Variants in IL1RAPL2 observed in about 807,000 individuals in gnomAD.
IL1RAPL2 encodes the protein X-linked interleukin-1 receptor accessory protein-like 2.
IL1RAPL2 carries 3 observed loss-of-function variants against 44.1 expected under a neutral mutation model. The observed-to-expected ratio is 0.07, with a 90% CI of 0.03 to 0.18. The LOEUF is 0.18. Among genes scored for constraint, IL1RAPL2 ranks in the 10% least tolerant of loss-of-function variants. The pLI, the probability that IL1RAPL2 is intolerant of heterozygous loss-of-function variation, is 1.00. For missense variants in IL1RAPL2, 391 were observed against 496.4 expected (o/e 0.79, Z 2.02); for synonymous variants, 181 against 178.8 (o/e 1.01, Z -0.10).
At chrX:105,064,637 T>A (rs978386320) in intron 2 of IL1RAPL2, among the ~76,000 whole-genome samples, 10 of 112,523 alleles carry the variant, frequency 8.9e-5, no homozygotes, top group Admixed American at 1.9e-4. Flanking sequence ...TGTGTTACAT[T>A]CTGTCTTCTT....
intron 2 of IL1RAPL2, among the ~76,000 whole-genome samples, chrX:105,122,550 G>C (rs1017037651): frequency 9.0e-6 from 1 of 111,526 alleles, no homozygotes; most frequent in African/African-American, 3.3e-5. Flanking sequence ...GATGCCCATT[G>C]CTCTCTGGGG....
chrX:105,333,475 C>G (rs2035003475), intron 5 of IL1RAPL2, among the ~76,000 whole-genome samples: 1 of 111,462 alleles, frequency 9.0e-6, no homozygotes, highest in South Asian at 3.7e-4. Flanking sequence ...CTGAGTAATA[C>G]CCCACAAGCA....
intron 1 of IL1RAPL2, among the ~76,000 whole-genome samples, chrX:104,609,023 A>G (rs1186011127): frequency 9.0e-6 from 1 of 111,474 alleles, no homozygotes; most frequent in African/African-American, 3.3e-5. Flanking sequence ...TGCTTCCTTC[A>G]GGAGCTCTTG....
At position 104,845,179 on chromosome X, in the gene IL1RAPL2, A is replaced by G. The variant is rs777398598; in HGVS notation, c.82+186184A>G. On this transcript the variant is annotated intron_variant, in intron 2 of 10. Transcript: ENST00000372582. ...TTGAGCTCACTTCCATCTCATACTT[A>G]TCATGTGTATTACAGATAGCCAGTC... Among the ~76,000 whole-genome samples the G allele has an allele frequency of 7.1e-5, 8 of 112,147 alleles. No homozygotes were observed. The East Asian group carries it at 8.5e-4, about 12-fold the overall frequency.
intron 2 of IL1RAPL2, among the ~76,000 whole-genome samples, chrX:104,673,925 T>C (rs1262135459): frequency 3.6e-5 from 4 of 110,512 alleles, no homozygotes; most frequent in African/African-American, 1.3e-4. Flanking sequence ...ATAAGAATGC[T>C]TGTGATTTTT....
chrX:105,148,923 A>G lies in IL1RAPL2; in HGVS notation c.83-46552A>G, dbSNP rs142533247. 4.6e-3 allele frequency among the ~76,000 whole-genome samples: 511 copies of G among 111,645 alleles called. 8 individuals carry two copies. The highest frequency in any genetic ancestry group is 0.015 in the African/African-American group (476 of 30,728). ...AGAATGTGCCATCTTGAAAGAAGAG[A>G]GCAGCCCTCAGCAGACACTGAATCT... is the stretch of plus-strand genomic sequence containing the variant. On this transcript the variant is annotated intron_variant, in intron 2 of 10. Coordinates refer to ENST00000372582, the MANE Select transcript of IL1RAPL2 (RefSeq NM_017416.2).
At chrX:105,506,841 A>G (rs183481457) in intron 6 of IL1RAPL2, among the ~76,000 whole-genome samples, 7 of 112,064 alleles carry the variant, frequency 6.2e-5, no homozygotes, top group Admixed American at 5.7e-4. Context: ...TCAAGCCCAG[A>G]GAGAAAAACA....
At chrX:104,624,319 G>A (rs1929456504) in intron 1 of IL1RAPL2, among the ~76,000 whole-genome samples, 2 of 109,657 alleles carry the variant, frequency 1.8e-5, no homozygotes, top group South Asian at 3.9e-4. Context: ...TATTTACAAC[G>A]CATGTAATAG....
intron 2 of IL1RAPL2, among the ~76,000 whole-genome samples, chrX:104,942,574 T>A (rs1312398299): frequency 8.9e-6 from 1 of 112,001 alleles, no homozygotes; most frequent in African/African-American, 3.2e-5. Flanking sequence ...AAGTTGCTTA[T>A]CAGCTTCAGG....
At chrX:105,363,312 TA>T (rs1720224290) in intron 5 of IL1RAPL2, among the ~76,000 whole-genome samples, 1 of 86,507 alleles carries the variant, frequency 1.2e-5, no homozygotes, top group African/African-American at 5.2e-5. Flanking sequence ...ATATATAATA[TA>T]TATATATATA....
intron 1 of IL1RAPL2, among the ~76,000 whole-genome samples, chrX:104,646,556 G>C (rs1930044287): frequency 9.0e-6 from 1 of 111,121 alleles, no homozygotes; most frequent in South Asian, 3.9e-4. Flanking sequence ...GAATAATTTA[G>C]ATTATGCTAT....
intron 2 of IL1RAPL2, among the ~76,000 whole-genome samples, chrX:104,995,890 G>T (rs930138796): frequency 9.0e-6 from 1 of 111,471 alleles, no homozygotes; most frequent in Non-Finnish European, 1.9e-5. Flanking sequence ...TCCAAACAAT[G>T]CACTATTTTA....
At chrX:104,806,805 A>G (rs1453096119) in intron 2 of IL1RAPL2, among the ~76,000 whole-genome samples, 1 of 111,934 alleles carries the variant, frequency 8.9e-6, no homozygotes, top group Non-Finnish European at 1.9e-5. Context: ...ACAGCAAAGA[A>G]GTTGGTAGTA....
intron 2 of IL1RAPL2, among the ~76,000 whole-genome samples, chrX:104,819,677 A>G (rs539822520): frequency 1.5e-4 from 17 of 112,149 alleles, no homozygotes; most frequent in South Asian, 1.1e-3. Flanking sequence ...CGTTGTCCCT[A>G]TAACATGTGT....
intron 2 of IL1RAPL2, among the ~76,000 whole-genome samples, chrX:105,145,015 C>T (rs1468949481): frequency 1.8e-5 from 2 of 111,267 alleles, no homozygotes; most frequent in African/African-American, 6.5e-5. Context: ...TGCTGTGTCC[C>T]CAACACATGA....
chrX:105,080,324 GTTTTC>G (rs1008827357), intron 2 of IL1RAPL2, among the ~76,000 whole-genome samples: 3 of 111,816 alleles, frequency 2.7e-5, no homozygotes, highest in African/African-American at 9.8e-5. Context: ...TATTGCCTAG[GTTTTC>G]TTCTAGGGTA....
At chrX:105,052,818 C>A (rs2031944957) in intron 2 of IL1RAPL2, among the ~76,000 whole-genome samples, 1 of 110,077 alleles carries the variant, frequency 9.1e-6, no homozygotes, top group Admixed American at 9.7e-5. Flanking sequence ...ATCAACCTGT[C>A]ATCTAGGTTT....
intron 6 of IL1RAPL2, among the ~76,000 whole-genome samples, chrX:105,639,481 AGG>A (rs2037548890): frequency 9.0e-6 from 1 of 111,353 alleles, no homozygotes; most frequent in Admixed American, 9.6e-5. Flanking sequence ...AAATTCTAAA[AGG>A]GTAAGTAATA....
intron 6 of IL1RAPL2, among the ~76,000 whole-genome samples, chrX:105,502,279 C>A (rs1303157859): frequency 3.6e-5 from 4 of 111,556 alleles, no homozygotes; most frequent in Non-Finnish European, 7.5e-5. Flanking sequence ...TAGCAGGATC[C>A]CCCAGCCTCT....
Sources: allele counts gnomAD v4.1 joint callset (sites outside exome capture counted in the v4.1 genomes callset), GRCh38; gene constraint gnomAD v4.1.1; transcripts MANE v1.5; gene names NCBI Gene and HGNC (gene_info 2026-07-23, HGNC 2026-07-21).